Variants in ZBTB10 observed in about 807,000 individuals in gnomAD.
ZBTB10 encodes zinc finger and BTB domain-containing protein 10.
A neutral mutation model predicts 76.4 loss-of-function variants in ZBTB10; 32 were observed. The observed-to-expected ratio is 0.42, with a 90% CI of 0.32 to 0.56. ZBTB10 has a LOEUF of 0.56. ZBTB10 is among the 20% of genes least tolerant of loss of function. The pLI, the probability that ZBTB10 is intolerant of heterozygous loss-of-function variation, is 0.14. For missense variants in ZBTB10, 1,057 were observed against 1,098.5 expected (o/e 0.96, Z 0.53); for synonymous variants, 523 against 432.9 (o/e 1.21, Z -2.58).
At chr8:80,515,817 A>C (rs1292312736) in intron 3 of ZBTB10, among the ~76,000 whole-genome samples, 2 of 152,202 alleles carry the variant, frequency 1.3e-5, no homozygotes, top group African/African-American at 2.4e-5. Context: ...GAAGGATATT[A>C]TTGATCAGTA....
chr8:80,498,467 G>A (rs1815842292), intron 1 of ZBTB10, among the ~76,000 whole-genome samples: 1 of 152,128 alleles, frequency 6.6e-6, no homozygotes, highest in Admixed American at 6.6e-5. Context: ...TTTTTCTCTT[G>A]GGAAAGAGAT....
intron 1 of ZBTB10, among the ~76,000 whole-genome samples, chr8:80,490,778 A>G (rs376101603): frequency 6.6e-6 from 1 of 152,178 alleles, no homozygotes; most frequent in Non-Finnish European, 1.5e-5. Flanking sequence ...TTATTTCTCA[A>G]AGAGTCCCGT....
chr8:80,504,979 T>A (rs1816013521), intron 2 of ZBTB10, among the ~76,000 whole-genome samples: 1 of 152,234 alleles, frequency 6.6e-6, no homozygotes, highest in South Asian at 2.1e-4. Flanking sequence ...TTTTGCGGGC[T>A]CATGGAACAT....
At chr8:80,507,316 AAAG>A (rs1356042703) in intron 2 of ZBTB10, among the ~76,000 whole-genome samples, 3 of 149,212 alleles carry the variant, frequency 2.0e-5, no homozygotes, top group Non-Finnish European at 3.0e-5. Flanking sequence ...CAAAAGAAGA[AAAG>A]AAAAAAAAAA....
intron 1 of ZBTB10, 96 bp downstream of exon 1, chr8:80,487,878 A>C: frequency 7.3e-7 from 1 of 1,366,694 alleles, no homozygotes; most frequent in Non-Finnish European, 9.7e-7. Flanking sequence ...AAAAACCTCA[A>C]AACCATTTTC....
intron 1 of ZBTB10, among the ~76,000 whole-genome samples, chr8:80,495,781 G>C (rs1415926071): frequency 6.6e-6 from 1 of 152,088 alleles, no homozygotes; most frequent in Non-Finnish European, 1.5e-5. Flanking sequence ...TGAACATCTA[G>C]ATAATAGGTT....
intron 1 of ZBTB10, among the ~76,000 whole-genome samples, chr8:80,498,477 T>A (rs1387480276): frequency 6.6e-6 from 1 of 152,250 alleles, no homozygotes; most frequent in Non-Finnish European, 1.5e-5. Flanking sequence ...GGGAAAGAGA[T>A]GATTACTTCA....
In ZBTB10 at chr8:80,518,425, T is replaced by G; in HGVS notation, c.1983T>G (p.Tyr661Ter). 1 of 1,551,442 alleles carries G rather than the reference T, an allele frequency of 6.4e-7. No individual in the cohort carries two copies. The highest frequency in any genetic ancestry group is 8.7e-7 in the Non-Finnish European group (1 of 1,147,344). Residue 661 changes from tyrosine (Y) to a stop codon, truncating the protein, a stop_gained, in exon 4 of 6, where the codon TAT becomes TAG. Coordinates refer to ENST00000455036, the MANE Select transcript of ZBTB10 (RefSeq NM_001105539.3). LOFTEE classifies it high-confidence loss of function. Reference protein sequence around the residue: ...GDAGTSHDFKYGLMPGPSNDF... With the variant: ...GDAGTSHDFK ...TAGGTACTTCACATGATTTCAAGTA[T>G]GGTTTGATGCCTGGTCCTTCAAATG...
At position 80,523,347 on chromosome 8, in the gene ZBTB10, C is replaced by G. The variant is rs1175579724; in HGVS notation, c.*3819C>G. On this transcript the variant is annotated 3_prime_UTR_variant, in exon 6 of 6. Coordinates refer to ENST00000455036, the MANE Select transcript of ZBTB10 (RefSeq NM_001105539.3). ...TGTGTTTAGAATTTTGAGTGTCTTT[C>G]CTCCCCCCAATAAATTTCCTTACTA... 6.6e-6 allele frequency: 1 copy of G among 151,874 alleles called. No individual in the cohort carries two copies. Among genetic ancestry groups the G allele is most frequent in the African/African-American group, 2.4e-5 (1 of 41,414 alleles). The allele number at this position is 151,874 out of a possible 1,614,324, so 9.4% of individuals were successfully genotyped here.
upstream of ZBTB10, chr8:80,486,003 C>T (rs1815436933): frequency 8.8e-7 from 1 of 1,133,558 alleles, no homozygotes; most frequent in African/African-American, 1.6e-5. Flanking sequence ...GCCCGCCGCC[C>T]GGCCTTTTGT....
chr8:80,515,209 G>T (rs1816297522), intron 3 of ZBTB10, among the ~76,000 whole-genome samples: 1 of 152,196 alleles, frequency 6.6e-6, no homozygotes, highest in Non-Finnish European at 1.5e-5. Context: ...TTTCTAAATA[G>T]TGCATAGAAA....
chr8:80,506,630 G>A (rs1816063506), intron 2 of ZBTB10, among the ~76,000 whole-genome samples: 1 of 138,990 alleles, frequency 7.2e-6, no homozygotes, highest in Non-Finnish European at 1.5e-5. Context: ...AGCACGCCCT[G>A]CAAATATTCA....
At chr8:80,506,598 G>T (rs367964775) in intron 2 of ZBTB10, among the ~76,000 whole-genome samples, 1 of 121,804 alleles carries the variant, frequency 8.2e-6, no homozygotes, top group Non-Finnish European at 1.6e-5. Context: ...CTCCCAAAGC[G>T]CTGGGATTGC....
intron 2 of ZBTB10, among the ~76,000 whole-genome samples, chr8:80,512,638 G>C (rs1336922751): frequency 1.3e-5 from 2 of 152,116 alleles, no homozygotes; most frequent in Non-Finnish European, 2.9e-5. Flanking sequence ...GTTGAACCTG[G>C]GAGGCAGAGG....
chr8:80,486,673 G>C lies in ZBTB10; in HGVS notation c.-138G>C, dbSNP rs1005679741. On this transcript the variant is annotated 5_prime_UTR_variant, in exon 1 of 6. Coordinates refer to ENST00000455036, the MANE Select transcript of ZBTB10 (RefSeq NM_001105539.3). Reference sequence around the variant, plus strand: ...GCGCGAGCCGGGCTGCCGGGCGAGAGGGCGAGGCCGAGCCCCGCGAGACCG... The same window carrying C: ...GCGCGAGCCGGGCTGCCGGGCGAGACGGCGAGGCCGAGCCCCGCGAGACCG... The C allele has an allele frequency of 5.0e-6, 5 of 990,800 alleles. No homozygotes were observed. The African/African-American group carries it at 8.8e-5, about 17-fold the overall frequency. The allele number at this position is 990,800 out of a possible 1,614,324, so 61.4% of individuals were successfully genotyped here. A position where few individuals can be genotyped will look rare whatever the true frequency, so the allele number is the denominator to read the frequency against.
In ZBTB10 at chr8:80,509,370, G is replaced by C. The variant is rs956339277; in HGVS notation, c.1862-4540G>C. On this transcript the variant is annotated intron_variant, in intron 2 of 5. Transcript: ENST00000455036. ...CTTAAAACTTCTTTCCCAGGGTCTT[G>C]TCTCATATCTTTTCAAGAATATTTG... Among the ~76,000 whole-genome samples the C allele has an allele frequency of 4.1e-4, 63 of 152,220 alleles. 1 individual carries two copies. Among genetic ancestry groups the C allele is most frequent in the East Asian group, 3.5e-3 (18 of 5,186 alleles).
At chr8:80,493,506 G>C (rs750343035) in intron 1 of ZBTB10, among the ~76,000 whole-genome samples, 1 of 151,950 alleles carries the variant, frequency 6.6e-6, no homozygotes, top group Non-Finnish European at 1.5e-5. Flanking sequence ...GAGAGAACTG[G>C]TTGGCAGGAT....
In ZBTB10 at chr8:80,519,211, C is replaced by T. The variant is rs768557611; in HGVS notation, c.2311-12C>T. 1.9e-6 allele frequency: 3 copies of T among 1,605,888 alleles called. No homozygotes were observed. The highest frequency in any genetic ancestry group is 2.6e-6 in the Non-Finnish European group (3 of 1,176,026). Reference sequence around the variant, plus strand: ...AATATCCTTATATTGGATTTTTTCCCCCTCCAATTAGGTGCATAAAAAGGA... The same window carrying T: ...AATATCCTTATATTGGATTTTTTCCTCCTCCAATTAGGTGCATAAAAAGGA... On this transcript the variant is annotated splice_polypyrimidine_tract_variant and intron_variant, in intron 5 of 5. Transcript: ENST00000455036.
intron 2 of ZBTB10, among the ~76,000 whole-genome samples, chr8:80,512,419 T>C (rs1247052408): frequency 2.6e-5 from 4 of 152,196 alleles, no homozygotes; most frequent in Non-Finnish European, 5.9e-5. Flanking sequence ...TATTCACATA[T>C]GTAATTTTCG....
Sources: gnomAD v4.1 joint callset for allele counts (sites outside exome capture counted in the v4.1 genomes callset) on GRCh38, gnomAD v4.1.1 for gene constraint, MANE v1.5 for transcripts, NCBI Gene and HGNC (gene_info 2026-07-23, HGNC 2026-07-21) for gene names.